DMD: variants seen among roughly 807,000 people sequenced by gnomAD.
DMD encodes the protein mutant dystrophin.
In DMD, 63 loss-of-function variants were observed where a neutral mutation model predicts 330.1. The observed-to-expected ratio is 0.19, with a 90% CI of 0.16 to 0.24. DMD has a LOEUF of 0.24. Ranked by LOEUF, DMD falls within the 10% of genes least tolerant of loss-of-function variation. The probability of loss-of-function intolerance (pLI) is 1.00; values close to 1 mark genes in which losing one functional copy is unlikely to be tolerated. For synonymous variants in DMD, 1,223 were observed against 959.8 expected, an observed-to-expected ratio of 1.27 and a Z score of -5.07; for missense variants, 3,344 against 2,684.1, an observed-to-expected ratio of 1.25 and a Z score of -5.43.
intron 1 of DMD, among the ~76,000 whole-genome samples, chrX:33,295,850 A>G (rs2148933737): frequency 9.0e-6 from 1 of 111,668 alleles, no homozygotes; most frequent in East Asian, 2.8e-4. Context: ...ACAGTGAGTG[A>G]CAAATAGTGG....
At chrX:33,191,001 AATATTAT>A (rs2050602880) in intron 1 of DMD, among the ~76,000 whole-genome samples, 1 of 877 alleles carries the variant, frequency 1.1e-3, no homozygotes, top group Non-Finnish European at 3.8e-3. Context: ...TATAATATAT[AATATTAT>A]ATATATATAT....
chrX:32,837,635 A>T (rs987297293), intron 4 of DMD, among the ~76,000 whole-genome samples: 2 of 111,777 alleles, frequency 1.8e-5, no homozygotes, highest in Non-Finnish European at 3.8e-5. Flanking sequence ...ACTCTCTTCA[A>T]CTTTTTCTGT....
chrX:32,362,562 A>G (rs1476042041), intron 37 of DMD, among the ~76,000 whole-genome samples: 1 of 111,449 alleles, frequency 9.0e-6, no homozygotes, highest in African/African-American at 3.3e-5. Flanking sequence ...GCAGCAAAAG[A>G]TGAGAGAGAA....
intron 34 of DMD, among the ~76,000 whole-genome samples, chrX:32,367,621 G>A (rs2097858885): frequency 1.8e-5 from 2 of 111,689 alleles, no homozygotes; most frequent in African/African-American, 6.5e-5. Context: ...TGAACTTAGG[G>A]GATAATGTTG....
chrX:32,173,886 T>C (rs2096897113), intron 44 of DMD, among the ~76,000 whole-genome samples: 1 of 111,728 alleles, frequency 9.0e-6, no homozygotes, highest in African/African-American at 3.3e-5. Flanking sequence ...TAAGAGGCTA[T>C]GTGTGAATAA....
chrX:31,311,740 A>G (rs1241224607), intron 62 of DMD, among the ~76,000 whole-genome samples: 1 of 111,637 alleles, frequency 9.0e-6, no homozygotes, highest in African/African-American at 3.3e-5. Flanking sequence ...TACTTTGGGC[A>G]GTATAACCAT....
Position 32,665,808 on chromosome X carries a change from G to A in DMD, c.961-20656C>T, listed in dbSNP as rs991070066. 8.0e-5 allele frequency among the ~76,000 whole-genome samples: 9 copies of A among 112,107 alleles called. No homozygotes were observed. In the South Asian group the frequency reaches 2.2e-3, roughly 28 times the overall value. ...TGGCGCCATGTCTAATACACTCAGC[G>A]TTGTTTCATCAACGTGTTTTCCCGG... On this transcript the variant is annotated intron_variant, in intron 9 of 78. Coordinates refer to ENST00000357033, the MANE Select transcript of DMD (RefSeq NM_004006.3).
chrX:32,993,975 A>G (rs2093047951), intron 2 of DMD, among the ~76,000 whole-genome samples: 1 of 111,306 alleles, frequency 9.0e-6, no homozygotes, highest in African/African-American at 3.3e-5. Context: ...TTTTTATGCT[A>G]AATTTGATGA....
intron 50 of DMD, among the ~76,000 whole-genome samples, chrX:31,784,740 T>G (rs2091206528): frequency 8.9e-6 from 1 of 112,090 alleles, no homozygotes; most frequent in African/African-American, 3.2e-5. Flanking sequence ...TAATTGATAC[T>G]CTACTATGTA....
intron 60 of DMD, among the ~76,000 whole-genome samples, chrX:31,407,154 T>TTTA: frequency 8.9e-6 from 1 of 112,215 alleles, no homozygotes; most frequent in East Asian, 2.8e-4. Context: ...TATCTTATTT[T>TTTA]TTATTATTAT....
chrX:32,744,347 C>G (rs1200294514), intron 7 of DMD, among the ~76,000 whole-genome samples: 3 of 110,725 alleles, frequency 2.7e-5, no homozygotes, highest in Non-Finnish European at 5.7e-5. Flanking sequence ...ATCAACCCTC[C>G]CACCTCTCTG....
intron 62 of DMD, among the ~76,000 whole-genome samples, chrX:31,268,501 T>A (rs1301543097): frequency 8.9e-6 from 1 of 112,202 alleles, no homozygotes; most frequent in Admixed American, 9.4e-5. Context: ...TTAGCAATTT[T>A]AAGCTAGTGA....
intron 11 of DMD, among the ~76,000 whole-genome samples, chrX:32,620,366 G>A (rs751235945): frequency 7.2e-5 from 8 of 111,675 alleles, no homozygotes; most frequent in East Asian, 2.8e-4. Flanking sequence ...TAGCTGGTCC[G>A]AAGTATTGGG....
chrX:33,014,867 T>C (rs1259474400), intron 2 of DMD, among the ~76,000 whole-genome samples: 1 of 112,037 alleles, frequency 8.9e-6, no homozygotes, highest in Non-Finnish European at 1.9e-5. Context: ...ATATGTTTTG[T>C]TACAAGTAGG....
intron 44 of DMD, among the ~76,000 whole-genome samples, chrX:32,111,212 TAC>T (rs1569543649): frequency 9.0e-6 from 1 of 111,542 alleles, no homozygotes; most frequent in Non-Finnish European, 1.9e-5. Flanking sequence ...ATGGAAAAAA[TAC>T]AGTTTTAAAA....
rs1477120757 is a variant in DMD at position 32,734,222 on chromosome X, T to C, written c.650-34929A>G. On this transcript the variant is annotated intron_variant, in intron 7 of 78. Coordinates refer to ENST00000357033, the MANE Select transcript of DMD (RefSeq NM_004006.3). ...TCCCAAGACTAAACCAGGAAGAAGT[T>C]GAATCTCTGAATAGACCAATAACAG... 1.5e-4 allele frequency among the ~76,000 whole-genome samples: 16 copies of C among 106,258 alleles called. No homozygotes were observed. In the South Asian group the frequency reaches 6.5e-3, roughly 43 times the overall value. The allele number at this position is 106,258 out of a possible 115,157, so 92.3% of individuals were successfully genotyped here.
intron 62 of DMD, among the ~76,000 whole-genome samples, chrX:31,296,305 A>T (rs754114737): frequency 8.9e-6 from 1 of 112,099 alleles, no homozygotes; most frequent in African/African-American, 3.2e-5. Flanking sequence ...TAAGTATGGT[A>T]TCTAAAAATA....
chrX:32,732,323 T>G lies in DMD; in HGVS notation c.650-33030A>C, dbSNP rs772397749. ...AAAGTGATGGGGAGAATGGAACCAA[T>G]TTGGAAAACACTCTGCAGGATATTA... On this transcript the variant is annotated intron_variant, in intron 7 of 78. Transcript: ENST00000357033. 1.1e-3 allele frequency among the ~76,000 whole-genome samples: 125 copies of G among 110,966 alleles called. 1 individual carries two copies. Among genetic ancestry groups the G allele is most frequent in the Admixed American group, 6.4e-3 (67 of 10,447 alleles).
At chrX:31,948,764 C>G (rs888240287) in intron 45 of DMD, among the ~76,000 whole-genome samples, 1 of 111,433 alleles carries the variant, frequency 9.0e-6, no homozygotes, top group Non-Finnish European at 1.9e-5. Context: ...ACAATCAGCT[C>G]TGTTTCTGTA....
Sources: gnomAD v4.1 joint callset for allele counts (sites outside exome capture counted in the v4.1 genomes callset) on GRCh38, gnomAD v4.1.1 for gene constraint, MANE v1.5 for transcripts, NCBI Gene and HGNC (gene_info 2026-07-23, HGNC 2026-07-21) for gene names.